The following NBAS variants were observed in gnomAD, a reference collection of about 807,000 sequenced individuals.
The protein encoded by NBAS is NBAS subunit of NRZ tethering complex.
NBAS carries 219 observed loss-of-function variants against 302.5 expected under a neutral mutation model. That is an observed-to-expected ratio of 0.72 (90% CI 0.65 to 0.81). NBAS has a LOEUF of 0.81. Ranked by LOEUF, NBAS falls within the 30% of genes least tolerant of loss-of-function variation. NBAS has a pLI of 0.00. For missense variants in NBAS, 2,932 were observed against 2,841.6 expected, an observed-to-expected ratio of 1.03 and a Z score of -0.72; for synonymous variants, 1,118 against 1,021.6, an observed-to-expected ratio of 1.09 and a Z score of -1.80.
intron 25 of NBAS, among the ~76,000 whole-genome samples, chr2:15,413,535 C>T (rs1254588777): frequency 3.3e-5 from 5 of 152,110 alleles, no homozygotes; most frequent in African/African-American, 7.2e-5. Context: ...GTGAAGAAAA[C>T]GGGATCACTA....
At chr2:15,461,105 A>G (rs1394972657) in intron 21 of NBAS, 96 bp downstream of exon 21, 2 of 1,155,266 alleles carry the variant, frequency 1.7e-6, no homozygotes, top group South Asian at 1.5e-5. Context: ...AATATATTAC[A>G]TTAAAATTAT....
At chr2:14,834,344 C>T in the NBAS span, among the ~76,000 whole-genome samples, 1 of 152,150 alleles carries the variant, frequency 6.6e-6, no homozygotes, top group Non-Finnish European at 1.5e-5. Flanking sequence ...ACACATCTGC[C>T]TCTGCACCTA....
chr2:15,467,514 A>C, intron 18 of NBAS, 107 bp from the exon 19 acceptor site: 13 of 1,275,654 alleles, frequency 1.0e-5, no homozygotes, highest in Non-Finnish European at 1.4e-5. Context: ...CTCATGAAAC[A>C]GTTCAGAAAA....
In NBAS at chr2:15,401,970, A is replaced by ATT. The variant is rs375050416; in HGVS notation, c.3071+197_3071+198insAA. On this transcript the variant is annotated intron_variant, in intron 26 of 51. Transcript: ENST00000281513. ...TTTAATTATAATTACAGTTGAACAA[A>ATT]ATATAGAACTTCCCATATATTGGTA... Among the ~76,000 whole-genome samples, 959 of 152,258 alleles carry ATT rather than the reference A, an allele frequency of 6.3e-3. 8 individuals carry two copies. Among genetic ancestry groups the ATT allele is most frequent in the African/African-American group, 0.022 (902 of 41,570 alleles).
chr2:14,974,502 C>G, the NBAS span, among the ~76,000 whole-genome samples: 1 of 152,174 alleles, frequency 6.6e-6, no homozygotes, highest in Non-Finnish European at 1.5e-5. Flanking sequence ...CAGAGATGAG[C>G]TAATTGACTA....
intron 9 of NBAS, among the ~76,000 whole-genome samples, chr2:15,513,736 C>T (rs1193485143): frequency 6.6e-6 from 1 of 151,490 alleles, no homozygotes; most frequent in African/African-American, 2.4e-5. Flanking sequence ...TGTCTGTAAT[C>T]CCAAAACTTT....
intron 24 of NBAS, among the ~76,000 whole-genome samples, chr2:15,415,980 A>G (rs966088439): frequency 2.9e-4 from 44 of 152,244 alleles, no homozygotes; most frequent in African/African-American, 9.6e-4. Flanking sequence ...ATCATAAGCA[A>G]TATGGGGTCC....
At chr2:15,067,280 C>T in the NBAS span, among the ~76,000 whole-genome samples, 14 of 150,482 alleles carry the variant, frequency 9.3e-5, no homozygotes, top group South Asian at 4.2e-4. Flanking sequence ...GGGAGGTCAA[C>T]GCTGCAGCAA....
chr2:15,031,877 A>C, the NBAS span, among the ~76,000 whole-genome samples: 14 of 152,226 alleles, frequency 9.2e-5, no homozygotes, highest in Non-Finnish European at 2.1e-4. Context: ...GGATCTTGCC[A>C]GGGAGGGCCT....
chr2:14,999,685 A>G, the NBAS span, among the ~76,000 whole-genome samples: 7 of 152,190 alleles, frequency 4.6e-5, no homozygotes, highest in Non-Finnish European at 5.9e-5. Context: ...CTGTGAGTCA[A>G]TTAAACCTCT....
the NBAS span, among the ~76,000 whole-genome samples, chr2:15,059,250 C>T: frequency 2.6e-5 from 4 of 152,218 alleles, no homozygotes; most frequent in Admixed American, 2.6e-4. Context: ...TTCATGAGGA[C>T]AACACCTTAC....
the NBAS span, among the ~76,000 whole-genome samples, chr2:14,830,300 T>C: frequency 6.6e-6 from 1 of 150,618 alleles, no homozygotes; most frequent in Non-Finnish European, 1.5e-5. Flanking sequence ...CCTCATGTAA[T>C]TAACATAATT....
chr2:15,061,477 T>C, the NBAS span, among the ~76,000 whole-genome samples: 3 of 152,246 alleles, frequency 2.0e-5, no homozygotes, highest in African/African-American at 7.2e-5. Context: ...GTAGCTGTTA[T>C]CTGCATAAAT....
intron 51 of NBAS, among the ~76,000 whole-genome samples, 191 bp from the exon 52 acceptor site, chr2:15,167,514 A>G (rs1664087420): frequency 6.6e-6 from 1 of 152,192 alleles, no homozygotes; most frequent in Admixed American, 6.5e-5. Context: ...TCCTCTTAAC[A>G]TAAGAAGACA....
intron 32 of NBAS, among the ~76,000 whole-genome samples, chr2:15,357,349 G>A (rs73914843): frequency 0.018 from 2,731 of 152,268 alleles, 76 homozygotes; most frequent in African/African-American, 0.061. Flanking sequence ...TCACTCAGAA[G>A]AGCCCTGAAC....
the NBAS span, among the ~76,000 whole-genome samples, chr2:14,818,928 A>T: frequency 6.6e-6 from 1 of 152,214 alleles, no homozygotes; most frequent in Non-Finnish European, 1.5e-5. Context: ...CTTTCCTACT[A>T]CCCTTTTTTA....
chr2:15,085,602 G>T, the NBAS span, among the ~76,000 whole-genome samples: 73 of 152,272 alleles, frequency 4.8e-4, no homozygotes, highest in East Asian at 0.012. Flanking sequence ...TGGGAACTGG[G>T]AGCAGGCAGC....
At chr2:14,788,348 G>T in the NBAS span, among the ~76,000 whole-genome samples, 3 of 152,168 alleles carry the variant, frequency 2.0e-5, no homozygotes, top group African/African-American at 7.2e-5. Context: ...ATCCAGCTTT[G>T]TTCCGTTGCT....
intron 51 of NBAS, among the ~76,000 whole-genome samples, chr2:15,170,772 G>A (rs1452033250): frequency 6.6e-6 from 1 of 152,170 alleles, no homozygotes; most frequent in African/African-American, 2.4e-5. Context: ...AGAAAGAGAT[G>A]GCCTTTGTAA....
Sources: gnomAD v4.1 joint callset for allele counts (sites outside exome capture counted in the v4.1 genomes callset) on GRCh38, gnomAD v4.1.1 for gene constraint, MANE v1.5 for transcripts, NCBI Gene and HGNC (gene_info 2026-07-23, HGNC 2026-07-21) for gene names.